Variants in KIF11 observed in about 807,000 individuals in gnomAD.
KIF11 encodes the protein kinesin-like protein KIF11.
A neutral mutation model predicts 121.0 loss-of-function variants in KIF11; 9 were observed. The ratio of observed to expected loss-of-function variants is 0.07; its 90% CI spans 0.04 to 0.13. The LOEUF (loss-of-function observed/expected upper bound fraction) is 0.13. Ranked by LOEUF, KIF11 falls within the 10% of genes least tolerant of loss-of-function variation. The pLI is 1.00. For synonymous variants in KIF11, 408 were observed against 421.0 expected (o/e 0.97, Z 0.38); for missense variants, 846 against 1,217.5 (o/e 0.69, Z 4.54).
chr10:92,653,327 C>A (rs1845008068), intron 21 of KIF11, among the ~76,000 whole-genome samples: 1 of 152,168 alleles, frequency 6.6e-6, no homozygotes. Context: ...GATTGTAACA[C>A]CAAAAAAGTC....
chr10:92,608,762 T>C (rs959957556), intron 4 of KIF11, among the ~76,000 whole-genome samples: 5 of 152,140 alleles, frequency 3.3e-5, no homozygotes, highest in African/African-American at 1.2e-4. Context: ...AGTAGATAGG[T>C]TCCATTGGTT....
At position 92,593,274 on chromosome 10, in the gene KIF11, G is replaced by A. The variant is rs1844251360; in HGVS notation, c.-102G>A. ...TCCTCCAGGCCACGCCAGCGCCCGA[G>A]AGGGACCAGGGAGACTCCGGCCCCT... On this transcript the variant is annotated 5_prime_UTR_variant, in exon 1 of 22. Transcript: ENST00000260731. The A allele has an allele frequency of 8.1e-7, 1 of 1,227,694 alleles. No homozygotes were observed. The highest frequency in any genetic ancestry group is 1.5e-5 in the African/African-American group (1 of 65,792). The allele number at this position is 1,227,694 out of a possible 1,614,324, so 76.1% of individuals were successfully genotyped here.
intron 1 of KIF11, among the ~76,000 whole-genome samples, chr10:92,601,729 A>G (rs1442856959): frequency 6.8e-6 from 1 of 147,684 alleles, no homozygotes; most frequent in African/African-American, 2.5e-5. Context: ...TTTTTTAGAG[A>G]TGGGGTCTCG....
At chr10:92,624,228 C>CTTTTTTTTT (rs201871020) in intron 10 of KIF11, among the ~76,000 whole-genome samples, 1 of 99,836 alleles carries the variant, frequency 1.0e-5, no homozygotes, top group Non-Finnish European at 2.0e-5. Context: ...TGATCTCATT[C>CTTTTTTTTT]TTTTTTTTTT....
chr10:92,601,354 C>G (rs899236585), intron 1 of KIF11, among the ~76,000 whole-genome samples: 6 of 151,836 alleles, frequency 4.0e-5, no homozygotes. Flanking sequence ...GCATGTGCCA[C>G]CATAAACAGC....
Position 92,607,236 on chromosome 10 carries a change from A to C in KIF11, c.386A>C (p.Glu129Ala), listed in dbSNP as rs779558239. Reference sequence around the variant, plus strand: ...CCTAATGAAGAGTATACCTGGGAAGAGGTATTTATTGTTTATAACATACTT... The same window carrying C: ...CCTAATGAAGAGTATACCTGGGAAGCGGTATTTATTGTTTATAACATACTT... The part of the protein sequence containing the change: ...RSPNEEYTWE[E>A]DPLAGIIPRT... The change falls in exon 4 of 22, where the codon GAG becomes GCG. Residue 129 changes from glutamate to alanine, a missense_variant and splice_region_variant. By Grantham distance (107) the Glu-to-Ala change is moderately radical (BLOSUM62 -1). Transcript: ENST00000260731. 1 of 1,575,574 alleles carries C rather than the reference A, an allele frequency of 6.3e-7. No homozygotes were observed.
chr10:92,619,343 T>TA (rs1368071229), intron 9 of KIF11, among the ~76,000 whole-genome samples: 2 of 152,166 alleles, frequency 1.3e-5, no homozygotes, highest in African/African-American at 4.8e-5. Context: ...TACTAAGTAG[T>TA]AGTCCATGGT....
chr10:92,641,835 T>C (rs1012461671), intron 17 of KIF11, among the ~76,000 whole-genome samples: 1 of 152,220 alleles, frequency 6.6e-6, no homozygotes. Flanking sequence ...ATATTTCTTA[T>C]AGATACATAT....
chr10:92,630,005 CAA>C (rs932314687), intron 11 of KIF11, among the ~76,000 whole-genome samples, 169 bp from the exon 12 acceptor site: 1 of 152,148 alleles, frequency 6.6e-6, no homozygotes, highest in Admixed American at 6.5e-5. Flanking sequence ...TATTTAATCT[CAA>C]AGTGTTGAGT....
chr10:92,610,340 G>A (rs1040317754), intron 6 of KIF11, among the ~76,000 whole-genome samples: 2 of 151,858 alleles, frequency 1.3e-5, no homozygotes, highest in African/African-American at 2.4e-5. Flanking sequence ...GATTTTTTTC[G>A]CTCTAAATAT....
At chr10:92,627,054 G>A (rs932934732) in intron 10 of KIF11, among the ~76,000 whole-genome samples, 4 of 152,118 alleles carry the variant, frequency 2.6e-5, no homozygotes, top group African/African-American at 4.8e-5. Context: ...GAGCCACCGC[G>A]CCTGGCTGTA....
At chr10:92,599,825 G>T (rs888524953) in intron 1 of KIF11, among the ~76,000 whole-genome samples, 2 of 149,218 alleles carry the variant, frequency 1.3e-5, no homozygotes, top group Non-Finnish European at 3.0e-5. Flanking sequence ...GCTAATTTTT[G>T]TATTTTTAGT....
In KIF11 at chr10:92,602,825, C is replaced by CACGT. The variant is rs1457102223; in HGVS notation, c.78-3440_78-3439insACGT. Among the ~76,000 whole-genome samples the CACGT allele has an allele frequency of 3.6e-3, 442 of 122,426 alleles. 2 individuals carry two copies. The highest frequency in any genetic ancestry group is 8.2e-3 in the East Asian group (35 of 4,278). The allele number at this position is 122,426 out of a possible 152,430, so 80.3% of individuals were successfully genotyped here. Reference sequence around the variant, plus strand: ...TTACTTAAACACACACACACACACACGTGTGTGTGTGTGTGTGTGTGTGTG... The same window carrying CACGT: ...TTACTTAAACACACACACACACACACACGTGTGTGTGTGTGTGTGTGTGTGTGTG... On this transcript the variant is annotated intron_variant, in intron 1 of 21. Coordinates refer to ENST00000260731, the MANE Select transcript of KIF11 (RefSeq NM_004523.4).
chr10:92,646,885 C>G (rs754308101), intron 18 of KIF11, among the ~76,000 whole-genome samples: 1 of 152,152 alleles, frequency 6.6e-6, no homozygotes, highest in Admixed American at 6.5e-5. Context: ...AAAAGTGTTT[C>G]ATTAGACTCT....
rs758761887 is a variant in KIF11, at chr10:92,632,672, G to A, written c.1681G>A (p.Glu561Lys). Residue 561 changes from glutamate (E) to lysine (K), a missense_variant, in exon 13 of 22, where the codon GAA becomes AAA. Glu to Lys is a moderately conservative substitution (Grantham distance 56). This residue lies in a region of KIF11 where 492 missense variants were observed against 603.4 expected (regional missense o/e 0.82). Coordinates refer to ENST00000260731, the MANE Select transcript of KIF11 (RefSeq NM_004523.4). ...CAGCTCAAAGCAAAAGGCCATGCTA[G>A]AAGTACATAAGACCTTATTTGGTAA... ...DGSSKQKAML[E>K]VHKTLFGNLL... The A allele has an allele frequency of 3.7e-6, 6 of 1,609,366 alleles. No homozygotes were observed. The Admixed American group carries it at 6.7e-5, about 18-fold the overall frequency.
At chr10:92,641,840 A>G (rs1022547925) in intron 17 of KIF11, among the ~76,000 whole-genome samples, 1 of 152,312 alleles carries the variant, frequency 6.6e-6, no homozygotes, top group East Asian at 1.9e-4. Context: ...TCTTATAGAT[A>G]CATATATTCT....
At chr10:92,603,493 C>T (rs926911137) in intron 1 of KIF11, among the ~76,000 whole-genome samples, 1 of 151,872 alleles carries the variant, frequency 6.6e-6, no homozygotes, top group African/African-American at 2.4e-5. Flanking sequence ...CCTCCATCTC[C>T]CAGGTTCAAG....
chr10:92,631,346 A>G (rs1383172136), intron 12 of KIF11, among the ~76,000 whole-genome samples: 2 of 149,622 alleles, frequency 1.3e-5, no homozygotes, highest in Non-Finnish European at 3.0e-5. Flanking sequence ...AGATGTTGAA[A>G]GTATTTAATT....
intron 12 of KIF11, 152 bp from the exon 13 acceptor site, chr10:92,632,334 A>C: frequency 1.8e-6 from 1 of 559,170 alleles, no homozygotes; most frequent in South Asian, 2.3e-5. Context: ...CACCCAGCTA[A>C]TTTTTGTATT....
Sources: allele counts gnomAD v4.1 joint callset (sites outside exome capture counted in the v4.1 genomes callset), GRCh38; gene constraint gnomAD v4.1.1; regional missense constraint gnomAD v4.1.1; transcripts MANE v1.5; gene names NCBI Gene and HGNC (gene_info 2026-07-23, HGNC 2026-07-21).